The following CDIN1 variants were observed in gnomAD, a reference collection of about 807,000 sequenced individuals.
The protein encoded by CDIN1 is CDAN1-interacting nuclease 1.
Under a neutral mutation model 45.3 loss-of-function variants are expected in CDIN1, and 33 were observed. The ratio of observed to expected loss-of-function variants is 0.73; its 90% CI spans 0.55 to 0.97. The LOEUF is 0.97. Among genes scored for constraint, CDIN1 ranks in the 50% least tolerant of loss-of-function variants. CDIN1 has a pLI of 0.00. For synonymous variants in CDIN1, 118 were observed against 124.4 expected, an observed-to-expected ratio of 0.95 and a Z score of 0.34; for missense variants, 303 against 339.4, an observed-to-expected ratio of 0.89 and a Z score of 0.84.
intron 8 of CDIN1, chr15:36,706,542 G>A (rs560101173): frequency 6.6e-6 from 1 of 151,676 alleles, no homozygotes; most frequent in African/African-American, 2.4e-5. Context: ...GAACCCAAGA[G>A]ACGAAGGTTG....
chr15:36,764,683 T>C (rs1465198111), intron 10 of CDIN1, among the ~76,000 whole-genome samples: 2 of 152,180 alleles, frequency 1.3e-5, no homozygotes, highest in African/African-American at 2.4e-5. Context: ...TGTTCTCCCC[T>C]TCTTTCTTTA....
At chr15:36,746,034 A>G (rs2044416714) in intron 10 of CDIN1, among the ~76,000 whole-genome samples, 1 of 152,192 alleles carries the variant, frequency 6.6e-6, no homozygotes, top group Non-Finnish European at 1.5e-5. Flanking sequence ...TACAAAAAAC[A>G]GTTTTTAGTA....
intron 1 of CDIN1, among the ~76,000 whole-genome samples, chr15:36,597,872 T>A (rs1293203442): frequency 6.6e-6 from 1 of 152,224 alleles, no homozygotes; most frequent in Non-Finnish European, 1.5e-5. Flanking sequence ...TATCTACACC[T>A]TGAAACATAT....
intron 1 of CDIN1, chr15:36,613,361 TA>T: frequency 1.3e-6 from 1 of 791,264 alleles, no homozygotes; most frequent in Non-Finnish European, 2.1e-6. Flanking sequence ...TAAAAAGATG[TA>T]AAGATAAAAA....
chr15:36,739,053 T>C (rs1174653622), intron 10 of CDIN1, among the ~76,000 whole-genome samples: 3 of 152,202 alleles, frequency 2.0e-5, no homozygotes, highest in Non-Finnish European at 2.9e-5. Flanking sequence ...ATCTAATATA[T>C]ATGCCATGGA....
intron 5 of CDIN1, among the ~76,000 whole-genome samples, chr15:36,679,920 G>T (rs1384684971): frequency 6.6e-6 from 1 of 152,162 alleles, no homozygotes; most frequent in East Asian, 1.9e-4. Context: ...AGAGCAAATT[G>T]TCTCCACTGA....
At chr15:36,704,789 C>A (rs1453590827) in intron 8 of CDIN1, 1 of 152,048 alleles carries the variant, frequency 6.6e-6, no homozygotes, top group Non-Finnish European at 1.5e-5. Flanking sequence ...TGTGACTTTT[C>A]ATTTTCAGAT....
intron 10 of CDIN1, among the ~76,000 whole-genome samples, chr15:36,793,835 T>C (rs1411097788): frequency 6.6e-6 from 1 of 152,188 alleles, no homozygotes; most frequent in African/African-American, 2.4e-5. Context: ...CCACTCTGCC[T>C]TAAAGGCCAG....
intron 10 of CDIN1, among the ~76,000 whole-genome samples, chr15:36,770,029 T>G (rs2054028525): frequency 6.6e-6 from 1 of 152,162 alleles, no homozygotes; most frequent in Non-Finnish European, 1.5e-5. Flanking sequence ...TTTCCCTTGA[T>G]TATTTCTCCC....
At chr15:36,656,149 A>G (rs573444016) in intron 4 of CDIN1, among the ~76,000 whole-genome samples, 6 of 152,344 alleles carry the variant, frequency 3.9e-5, no homozygotes, top group East Asian at 3.9e-4. Context: ...TATAGCTTCT[A>G]AACAACCAAG....
At chr15:36,790,821 A>T (rs1234677808) in intron 10 of CDIN1, among the ~76,000 whole-genome samples, 2 of 152,224 alleles carry the variant, frequency 1.3e-5, no homozygotes, top group Non-Finnish European at 2.9e-5. Context: ...TGTGCCAGTC[A>T]GCACCAATGG....
In CDIN1 at chr15:36,622,225, G is replaced by A. The variant is rs1204537710; in HGVS notation, c.102-22053G>A. Among the ~76,000 whole-genome samples, 4 of 151,984 alleles carry A rather than the reference G, an allele frequency of 2.6e-5. No individual in the cohort carries two copies. In the East Asian group the frequency reaches 7.7e-4, roughly 29 times the overall value. The stretch of plus-strand genomic sequence containing the variant: ...TGGTAAAAGTTTATATGCAAAATAG[G>A]TCTTCTGGCATTTTTACTGTCACGT... On this transcript the variant is annotated intron_variant, in intron 1 of 10. Transcript: ENST00000566621.
chr15:36,800,632 G>A (rs1282126150), intron 10 of CDIN1, among the ~76,000 whole-genome samples: 1 of 151,756 alleles, frequency 6.6e-6, no homozygotes, highest in Non-Finnish European at 1.5e-5. Context: ...CAGTGTAAGA[G>A]TTTATTTTAA....
intron 5 of CDIN1, among the ~76,000 whole-genome samples, chr15:36,669,829 T>C (rs111257949): frequency 0.011 from 1,741 of 152,224 alleles, 28 homozygotes; most frequent in African/African-American, 0.04. Context: ...CCCTTATCAT[T>C]ATATCATATC....
chr15:36,775,588 A>C (rs1160068583), intron 10 of CDIN1, among the ~76,000 whole-genome samples: 1 of 152,168 alleles, frequency 6.6e-6, no homozygotes, highest in Non-Finnish European at 1.5e-5. Context: ...TCAACTCAAG[A>C]GTCTTGATGT....
intron 10 of CDIN1, among the ~76,000 whole-genome samples, chr15:36,779,233 G>A (rs1045796386): frequency 7.2e-5 from 11 of 152,200 alleles, no homozygotes; most frequent in Middle Eastern, 3.4e-3. Flanking sequence ...GAATCTATTC[G>A]CTATATAATT....
chr15:36,809,292 G>T lies in CDIN1; in HGVS notation c.*839G>T, dbSNP rs1461487594. 5.0e-6 allele frequency: 1 copy of T among 198,892 alleles called. No individual in the cohort carries two copies. Among genetic ancestry groups the T allele is most frequent in the Non-Finnish European group, 1.0e-5 (1 of 95,846 alleles). The allele number at this position is 198,892 out of a possible 1,614,324, so 12.3% of individuals were successfully genotyped here. A position where few individuals can be genotyped will look rare whatever the true frequency, so the allele number is the denominator to read the frequency against. ...TGGCTAGTTGTCAGTATGTACGTGA[G>T]CTAGTATTTTTATGAGTCGAGTTTT... On this transcript the variant is annotated 3_prime_UTR_variant, in exon 11 of 11. Transcript: ENST00000566621.
intron 10 of CDIN1, among the ~76,000 whole-genome samples, chr15:36,742,788 G>A (rs373988619): frequency 2.0e-5 from 3 of 152,126 alleles, no homozygotes; most frequent in African/African-American, 4.8e-5. Flanking sequence ...ACAGGGGTAG[G>A]CAATAAAGAT....
At chr15:36,600,494 T>A (rs926631671) in intron 1 of CDIN1, among the ~76,000 whole-genome samples, 6 of 152,234 alleles carry the variant, frequency 3.9e-5, no homozygotes, top group African/African-American at 1.4e-4. Flanking sequence ...TGTTAATTTC[T>A]CTGTTATTTG....
Sources: allele counts gnomAD v4.1 joint callset (sites outside exome capture counted in the v4.1 genomes callset), GRCh38; gene constraint gnomAD v4.1.1; transcripts MANE v1.5; gene names NCBI Gene and HGNC (gene_info 2026-07-23, HGNC 2026-07-21).